The following TTC7B variants were observed in gnomAD, a reference collection of about 807,000 sequenced individuals.
TTC7B encodes the protein tetratricopeptide repeat protein 7B.
TTC7B carries 28 observed loss-of-function variants against 106.8 expected under a neutral mutation model. The ratio of observed to expected loss-of-function variants is 0.26; its 90% CI spans 0.19 to 0.36. The LOEUF is 0.36. Among genes scored for constraint, TTC7B ranks in the 10% least tolerant of loss-of-function variants. TTC7B has a pLI of 1.00. For missense variants in TTC7B, 862 were observed against 1,076.4 expected (o/e 0.80, Z 2.79); for synonymous variants, 405 against 430.6 (o/e 0.94, Z 0.74).
intron 19 of TTC7B, among the ~76,000 whole-genome samples, chr14:90,550,746 C>G (rs536651145): frequency 6.6e-6 from 1 of 152,272 alleles, no homozygotes; most frequent in African/African-American, 2.4e-5. Context: ...CATGATTTGT[C>G]TTTGCATGTA....
intron 1 of TTC7B, among the ~76,000 whole-genome samples, chr14:90,798,709 C>CA (rs36223089): frequency 0.013 from 689 of 52,104 alleles, 31 homozygotes; most frequent in East Asian, 0.024. Context: ...GACTCCATCT[C>CA]AAAAAAAAAA....
intron 1 of TTC7B, among the ~76,000 whole-genome samples, chr14:90,798,790 G>A (rs1482176577): frequency 2.0e-5 from 3 of 149,586 alleles, no homozygotes; most frequent in African/African-American, 7.3e-5. Context: ...TCCTAAAGGA[G>A]CCCCTGGAAA....
chr14:90,808,261 C>T lies in TTC7B; in HGVS notation c.121+7914G>A, dbSNP rs936295500. Among the ~76,000 whole-genome samples the T allele has an allele frequency of 3.3e-5, 5 of 152,060 alleles. No homozygotes were observed. Among genetic ancestry groups the T allele is most frequent in the Admixed American group, 6.5e-5 (1 of 15,268 alleles). On this transcript the variant is annotated intron_variant, in intron 1 of 19. Coordinates refer to ENST00000328459, the MANE Select transcript of TTC7B (RefSeq NM_001010854.2). This position sits in a 1 kb window ranked among gnomAD's most constrained non-coding sequence, Gnocchi z 4.2. The stretch of plus-strand genomic sequence containing the variant: ...AGGAGTTCGAGACCAGAGTGGGCAA[C>T]ATAGGGAAACCCGTCTCTACAGAAA...
At chr14:90,702,524 T>C (rs905243813) in intron 5 of TTC7B, among the ~76,000 whole-genome samples, 1 of 152,178 alleles carries the variant, frequency 6.6e-6, no homozygotes, top group African/African-American at 2.4e-5. Flanking sequence ...AACTCTATCA[T>C]TGTTTTAAAA....
intron 5 of TTC7B, among the ~76,000 whole-genome samples, chr14:90,725,414 G>A (rs1889059515): frequency 6.6e-6 from 1 of 152,202 alleles, no homozygotes; most frequent in Admixed American, 6.5e-5. Flanking sequence ...ATACAGAAGG[G>A]CCTCTTGGAC....
intron 16 of TTC7B, among the ~76,000 whole-genome samples, chr14:90,617,671 AT>A (rs1893141008): frequency 6.6e-6 from 1 of 152,238 alleles, no homozygotes; most frequent in Admixed American, 6.5e-5. Flanking sequence ...ATAGAGATCC[AT>A]TGTGAACTGA....
At position 90,579,317 on chromosome 14, in the gene TTC7B, C is replaced by T. The variant is rs145789304; in HGVS notation, c.2108-1009G>A. ...GCCCGCTCTGTCGGGGCTCATGGAC[C>T]CCTTCTCCCACCTGCAGGCCAGACC... On this transcript the variant is annotated intron_variant, in intron 18 of 19. Coordinates refer to ENST00000328459, the MANE Select transcript of TTC7B (RefSeq NM_001010854.2). Among the ~76,000 whole-genome samples, 142 of 152,326 alleles carry T rather than the reference C, an allele frequency of 9.3e-4. 1 individual carries two copies. Among genetic ancestry groups the T allele is most frequent in the African/African-American group, 3.2e-3 (133 of 41,564 alleles).
At chr14:90,633,541 G>C (rs980576373) in intron 15 of TTC7B, among the ~76,000 whole-genome samples, 9 of 152,086 alleles carry the variant, frequency 5.9e-5, no homozygotes, top group Non-Finnish European at 1.5e-5. Flanking sequence ...ACAACAAACT[G>C]TCAGTTCTTA....
chr14:90,661,530 T>C (rs1437984986), intron 9 of TTC7B, among the ~76,000 whole-genome samples: 6 of 152,052 alleles, frequency 3.9e-5, no homozygotes, highest in South Asian at 2.1e-4. Context: ...AGAAACTGAC[T>C]TGGGGATGGG....
At chr14:90,712,133 A>G (rs1566850168) in intron 5 of TTC7B, among the ~76,000 whole-genome samples, 1 of 152,242 alleles carries the variant, frequency 6.6e-6, no homozygotes. Context: ...CAGACTTTAA[A>G]TCAAAGAATA....
chr14:90,751,276 G>A (rs1243961850), intron 3 of TTC7B, among the ~76,000 whole-genome samples: 1 of 152,214 alleles, frequency 6.6e-6, no homozygotes, highest in African/African-American at 2.4e-5. Context: ...GGCTGACTGA[G>A]TTGTGTGATT....
chr14:90,601,928 C>G (rs1892441401), intron 17 of TTC7B: 1 of 338,198 alleles, frequency 3.0e-6, no homozygotes, highest in Admixed American at 4.0e-5. Flanking sequence ...CAGAGCTGGC[C>G]CTTGATGGTG....
chr14:90,675,546 G>A lies in TTC7B; in HGVS notation c.1152+977C>T, dbSNP rs560843775. Among the ~76,000 whole-genome samples the A allele has an allele frequency of 5.9e-5, 9 of 152,310 alleles. No homozygotes were observed. The South Asian group carries it at 1.9e-3, about 32-fold the overall frequency. On this transcript the variant is annotated intron_variant, in intron 9 of 19. Transcript: ENST00000328459. ...TTGTCAGGCCAGATTGTGAGGCTGA[G>A]TAACCACTGCCCTGTAGAGTCACCA...
At chr14:90,700,677 C>G (rs1397497319) in intron 5 of TTC7B, among the ~76,000 whole-genome samples, 1 of 142,784 alleles carries the variant, frequency 7.0e-6, no homozygotes, top group Non-Finnish European at 1.5e-5. Context: ...ATACGTATAC[C>G]CTTATGGTAT....
chr14:90,733,380 T>C (rs188872879), intron 4 of TTC7B, among the ~76,000 whole-genome samples: 3 of 152,278 alleles, frequency 2.0e-5, no homozygotes, highest in Non-Finnish European at 4.4e-5. Context: ...CCTTCATCTG[T>C]GTCTGCTTGC....
chr14:90,736,298 G>A (rs2139994400), intron 4 of TTC7B, among the ~76,000 whole-genome samples: 1 of 152,038 alleles, frequency 6.6e-6, no homozygotes, highest in South Asian at 2.1e-4. Context: ...AAGGGGAGGA[G>A]GTCGGGTGCA....
At chr14:90,722,954 C>T (rs1319344974) in intron 5 of TTC7B, among the ~76,000 whole-genome samples, 1 of 152,200 alleles carries the variant, frequency 6.6e-6, no homozygotes, top group Non-Finnish European at 1.5e-5. Context: ...TTACTCTCTG[C>T]CCCTTCACTG....
At chr14:90,703,616 G>A (rs1246841268) in intron 5 of TTC7B, among the ~76,000 whole-genome samples, 4 of 152,184 alleles carry the variant, frequency 2.6e-5, no homozygotes, top group East Asian at 1.9e-4. Flanking sequence ...CATGTGCAGG[G>A]GTCAGCAGTC....
At chr14:90,622,562 C>G (rs1884254432) in intron 15 of TTC7B, among the ~76,000 whole-genome samples, 1 of 151,912 alleles carries the variant, frequency 6.6e-6, no homozygotes, top group Non-Finnish European at 1.5e-5. Context: ...AACCCTGTCT[C>G]TACAAAAAAA....
Sources: gnomAD v4.1 joint callset for allele counts (sites outside exome capture counted in the v4.1 genomes callset) on GRCh38, gnomAD v4.1.1 for gene constraint, Gnocchi (gnomAD v3.1) non-coding constraint, MANE v1.5 for transcripts, NCBI Gene and HGNC (gene_info 2026-07-23, HGNC 2026-07-21) for gene names.